STAT5B: variants seen among roughly 807,000 people sequenced by gnomAD.
STAT5B encodes signal transducer and activator of transcription 5B.
STAT5B carries 21 observed loss-of-function variants against 107.8 expected under a neutral mutation model. That is an observed-to-expected ratio of 0.19 (90% confidence interval 0.14 to 0.28). The LOEUF is 0.28. Among genes scored for constraint, STAT5B ranks in the 10% least tolerant of loss-of-function variants. The probability of loss-of-function intolerance (pLI) is 1.00; values close to 1 mark genes in which losing one functional copy is unlikely to be tolerated. For synonymous variants in STAT5B, 325 were observed against 401.7 expected (o/e 0.81, Z 2.28); for missense variants, 565 against 1,008.2 (o/e 0.56, Z 5.95).
chr17:42,286,233 CAAAAAAAAAAA>C, the STAT5B span, among the ~76,000 whole-genome samples: 1 of 52,400 alleles, frequency 1.9e-5, no homozygotes, highest in East Asian at 5.3e-4. Flanking sequence ...AACTCCATCT[CAAAAAAAAAAA>C]AAAAAAAAAA....
At chr17:42,206,061 T>C (rs1275355309) in intron 16 of STAT5B, among the ~76,000 whole-genome samples, 1 of 152,120 alleles carries the variant, frequency 6.6e-6, no homozygotes, top group Non-Finnish European at 1.5e-5. Context: ...TAAATTAATA[T>C]ATTTGTGTTT....
At chr17:42,266,608 C>T (rs1014999197) in intron 1 of STAT5B, among the ~76,000 whole-genome samples, 1 of 150,800 alleles carries the variant, frequency 6.6e-6, no homozygotes, top group Admixed American at 6.6e-5. Flanking sequence ...GGTGCAGTGA[C>T]TCATTCCTGT....
At chr17:42,243,357 AAAAC>A (rs2080421845) in intron 1 of STAT5B, among the ~76,000 whole-genome samples, 1 of 152,124 alleles carries the variant, frequency 6.6e-6, no homozygotes, top group Non-Finnish European at 1.5e-5. Flanking sequence ...ACTCTGTCTC[AAAAC>A]AAACAAAAAC....
chr17:42,235,828 C>T (rs956784725), intron 1 of STAT5B, among the ~76,000 whole-genome samples: 11 of 152,090 alleles, frequency 7.2e-5, no homozygotes, highest in Admixed American at 3.9e-4. Flanking sequence ...CGGTGGCTTG[C>T]CTATGGAAAG....
At chr17:42,246,425 T>G (rs2080452253) in intron 1 of STAT5B, among the ~76,000 whole-genome samples, 1 of 152,140 alleles carries the variant, frequency 6.6e-6, no homozygotes, top group Non-Finnish European at 1.5e-5. Flanking sequence ...AATGCAATTC[T>G]TTCACTTTCA....
rs773664591 is a variant in STAT5B at position 42,202,844 on chromosome 17, A to G, written c.2078-36T>C. On this transcript the variant is annotated intron_variant, in intron 16 of 18. Transcript: ENST00000293328. The stretch of plus-strand genomic sequence containing the variant: ...AAGAATGTAGTAAATCAAAGTTCTC[A>G]AGTGAAACAAAAATGTGATCTTCCT... 14 of 1,613,608 alleles carry G rather than the reference A, an allele frequency of 8.7e-6. No individual in the cohort carries two copies. In the African/African-American group the frequency reaches 1.9e-4, roughly 22 times the overall value.
rs544394309 is a variant in STAT5B at position 42,251,825 on chromosome 17, C to G, written c.-10-19688G>C. The stretch of plus-strand genomic sequence containing the variant: ...CCAGACTGGCCAGCATGGTGAAACC[C>G]CGTCTCTACTAAAAATACAAAAAAT... On this transcript the variant is annotated intron_variant, in intron 1 of 18. Coordinates refer to ENST00000293328, the MANE Select transcript of STAT5B (RefSeq NM_012448.4). 2.6e-5 allele frequency among the ~76,000 whole-genome samples: 4 copies of G among 151,418 alleles called. No homozygotes were observed. The East Asian group carries it at 7.7e-4, about 29-fold the overall frequency.
intron 1 of STAT5B, among the ~76,000 whole-genome samples, chr17:42,247,694 T>G (rs186432239): frequency 6.6e-5 from 10 of 152,238 alleles, no homozygotes; most frequent in Middle Eastern, 3.4e-3. Context: ...ACACCTGTAA[T>G]CTCAGCACTT....
chr17:42,275,048 T>C (rs2080753471), intron 1 of STAT5B: 1 of 152,252 alleles, frequency 6.6e-6, no homozygotes, highest in African/African-American at 2.4e-5. Flanking sequence ...GGCAAAGATC[T>C]GTATACTGCA....
At chr17:42,281,962 C>A in the STAT5B span, among the ~76,000 whole-genome samples, 176 of 152,232 alleles carry the variant, frequency 1.2e-3, 2 homozygotes, top group Middle Eastern at 3.4e-3. Context: ...CAGCACCAGG[C>A]AAAGATGAGG....
intron 3 of STAT5B, among the ~76,000 whole-genome samples, chr17:42,227,136 A>AAAATAAATAAAT (rs68033349): frequency 0.61 from 81,107 of 131,906 alleles, 26,825 homozygotes; most frequent in East Asian, 0.8. Flanking sequence ...CTCCGTCTCA[A>AAAATAAATAAAT]AAATAAATAA....
intron 1 of STAT5B, among the ~76,000 whole-genome samples, chr17:42,246,507 T>G (rs2080452879): frequency 6.6e-6 from 1 of 152,220 alleles, no homozygotes; most frequent in Non-Finnish European, 1.5e-5. Flanking sequence ...TTTGTAATTC[T>G]GACATATATT....
At chr17:42,262,185 G>C (rs113480128) in intron 1 of STAT5B, among the ~76,000 whole-genome samples, 1 of 151,872 alleles carries the variant, frequency 6.6e-6, no homozygotes, top group Non-Finnish European at 1.5e-5. Flanking sequence ...TTCTGAGACA[G>C]GGTCTTTCTC....
intron 1 of STAT5B, among the ~76,000 whole-genome samples, chr17:42,244,211 C>T (rs1484480552): frequency 6.6e-6 from 1 of 151,468 alleles, no homozygotes; most frequent in East Asian, 1.9e-4. Context: ...CCTTAGCCCC[C>T]TGAGTAGCTG....
chr17:42,254,949 G>C (rs925734505), intron 1 of STAT5B, among the ~76,000 whole-genome samples: 3 of 152,074 alleles, frequency 2.0e-5, no homozygotes, highest in Non-Finnish European at 4.4e-5. Context: ...AAATTAGCTG[G>C]GTGTGGTGGC....
intron 1 of STAT5B, among the ~76,000 whole-genome samples, chr17:42,257,550 C>A (rs943103113): frequency 9.8e-5 from 15 of 152,306 alleles, no homozygotes; most frequent in African/African-American, 3.6e-4. Context: ...TTCAGTGTGG[C>A]ATTATTCCAG....
intron 1 of STAT5B, among the ~76,000 whole-genome samples, chr17:42,263,550 C>T (rs563981391): frequency 6.6e-6 from 1 of 152,112 alleles, no homozygotes; most frequent in South Asian, 2.1e-4. Context: ...GTTTTTGAGA[C>T]AAGGTCTCAC....
chr17:42,287,841 C>T, the STAT5B span: 1 of 152,322 alleles, frequency 6.6e-6, no homozygotes, highest in African/African-American at 2.4e-5. Flanking sequence ...AAGATTCTTT[C>T]CAGTTCCTCC....
At chr17:42,210,669 G>T in intron 13 of STAT5B, 172 bp from the exon 14 acceptor site, 1 of 664,108 alleles carries the variant, frequency 1.5e-6, no homozygotes, top group Non-Finnish European at 2.7e-6. Context: ...GAGGAAAAGA[G>T]GGAAGAAGGG....
Sources: allele counts gnomAD v4.1 joint callset (sites outside exome capture counted in the v4.1 genomes callset), GRCh38; gene constraint gnomAD v4.1.1; transcripts MANE v1.5; gene names NCBI Gene and HGNC (gene_info 2026-07-23, HGNC 2026-07-21).